Variants in ABL1 observed in about 807,000 individuals in gnomAD.
ABL1 encodes tyrosine-protein kinase ABL1.
Under a neutral mutation model 94.7 loss-of-function variants are expected in ABL1, and 11 were observed. That is an observed-to-expected ratio of 0.12 (90% confidence interval 0.07 to 0.19). The LOEUF (loss-of-function observed/expected upper bound fraction) is 0.19, where lower values mean the gene tolerates loss of function less well. ABL1 is among the 10% of genes least tolerant of loss of function. The pLI, the probability that ABL1 is intolerant of heterozygous loss-of-function variation, is 1.00. For missense variants in ABL1, 1,082 were observed against 1,489.4 expected (o/e 0.73, Z 4.50); for synonymous variants, 656 against 622.4 (o/e 1.05, Z -0.80).
At chr9:130,787,286 G>A (rs1336489031) in intron 1 of ABL1, among the ~76,000 whole-genome samples, 2 of 152,098 alleles carry the variant, frequency 1.3e-5, no homozygotes, top group Admixed American at 6.5e-5. Flanking sequence ...TGGACTTCAG[G>A]ATAGGGCTTT....
At chr9:130,769,894 C>T (rs1832231863) in intron 1 of ABL1, among the ~76,000 whole-genome samples, 1 of 152,094 alleles carries the variant, frequency 6.6e-6, no homozygotes, top group African/African-American at 2.4e-5. Flanking sequence ...TTTTTTGTCC[C>T]TGTAGTTTTG....
intron 3 of ABL1, among the ~76,000 whole-genome samples, chr9:130,861,204 C>G (rs2132969828): frequency 6.6e-6 from 1 of 152,284 alleles, no homozygotes. Context: ...TGAGCAAGTT[C>G]CCCAGAGTGA....
chr9:130,835,876 G>A lies in ABL1; in HGVS notation c.79+351G>A, dbSNP rs2987903. Among the ~76,000 whole-genome samples the A allele has an allele frequency of 0.15, 23,549 of 152,214 alleles. 1,986 individuals are homozygous for A. The highest frequency in any genetic ancestry group is 0.21 in the African/African-American group (8,680 of 41,528). Reference sequence around the variant, plus strand: ...CCGGATGGTGACGGCGGCGTCCGGGGCCCCACAGTGCGGGCTCCCCCGAAA... The same window carrying A: ...CCGGATGGTGACGGCGGCGTCCGGGACCCCACAGTGCGGGCTCCCCCGAAA... On this transcript the variant is annotated intron_variant, in intron 1 of 10. Coordinates refer to ENST00000318560, the MANE Select transcript of ABL1 (RefSeq NM_005157.6). The surrounding 1 kb of genome is among the most constrained non-coding windows in gnomAD (Gnocchi z 4.6).
At chr9:130,760,732 G>A (rs930145115) in intron 1 of ABL1, among the ~76,000 whole-genome samples, 1 of 150,518 alleles carries the variant, frequency 6.6e-6, no homozygotes, top group South Asian at 2.1e-4. Flanking sequence ...GCGCGATCTC[G>A]GCTCACTGCA....
chr9:130,877,786 G>A (rs1414772976), intron 7 of ABL1, among the ~76,000 whole-genome samples: 3 of 143,558 alleles, frequency 2.1e-5, no homozygotes, highest in Admixed American at 6.9e-5. Flanking sequence ...GACTACTGGC[G>A]TACACCACCA....
At chr9:130,782,770 G>A (rs145290017) in intron 1 of ABL1, among the ~76,000 whole-genome samples, 1 of 152,210 alleles carries the variant, frequency 6.6e-6, no homozygotes, top group Non-Finnish European at 1.5e-5. Flanking sequence ...GATTGGCTTC[G>A]TGGGAAGTTG....
chr9:130,818,674 C>T (rs1353147651), intron 1 of ABL1, among the ~76,000 whole-genome samples: 5 of 152,050 alleles, frequency 3.3e-5, no homozygotes, highest in African/African-American at 9.7e-5. Context: ...AGGTATTGCT[C>T]GAGAGTCATC....
intron 1 of ABL1, among the ~76,000 whole-genome samples, chr9:130,798,405 T>G (rs561947726): frequency 2.0e-5 from 3 of 152,320 alleles, no homozygotes; most frequent in Middle Eastern, 3.4e-3. Context: ...GGTTATTAAG[T>G]ATCGCTTGCA....
chr9:130,825,245 G>A (rs142657127), intron 1 of ABL1, among the ~76,000 whole-genome samples: 73 of 152,256 alleles, frequency 4.8e-4, no homozygotes, highest in Middle Eastern at 3.4e-3. Flanking sequence ...ACACTGTGGG[G>A]AGGTTTAGAC....
chr9:130,749,403 C>T (rs910945922), intron 1 of ABL1, among the ~76,000 whole-genome samples: 2 of 152,188 alleles, frequency 1.3e-5, no homozygotes, highest in African/African-American at 4.8e-5. Flanking sequence ...AACCTAAAAA[C>T]GTTAATGGCT....
At chr9:130,726,309 GC>G (rs1355717323) in intron 1 of ABL1, among the ~76,000 whole-genome samples, 1 of 152,080 alleles carries the variant, frequency 6.6e-6, no homozygotes, top group African/African-American at 2.4e-5. Flanking sequence ...AAAGCCTTGT[GC>G]CCCCTTCCAG....
intron 8 of ABL1, 77 bp downstream of exon 8, chr9:130,878,644 A>G (rs576240380): frequency 2.6e-6 from 4 of 1,537,866 alleles, no homozygotes; most frequent in Middle Eastern, 2.3e-4. Context: ...GTGTGTACAC[A>G]AAGTTGAAAG....
intron 1 of ABL1, among the ~76,000 whole-genome samples, chr9:130,729,977 A>C (rs1831640741): frequency 6.7e-6 from 1 of 148,934 alleles, no homozygotes; most frequent in African/African-American, 2.5e-5. Context: ...TCCTGACCTC[A>C]AGTGATCCAC....
intron 1 of ABL1, among the ~76,000 whole-genome samples, chr9:130,780,961 C>G (rs1829747820): frequency 6.6e-6 from 1 of 152,200 alleles, no homozygotes; most frequent in Non-Finnish European, 1.5e-5. Flanking sequence ...AGCGACTCTG[C>G]AAATGGGTGC....
At position 130,880,651 on chromosome 9, in the gene ABL1, C is replaced by G. The variant is rs1831435942; in HGVS notation, c.1665C>G (p.Gly555=). The G allele has an allele frequency of 1.9e-6, 3 of 1,613,570 alleles. No individual in the cohort carries two copies. The highest frequency in any genetic ancestry group is 1.7e-4 in the Middle Eastern group (1 of 6,032). ...TDVPEMPHSK[G]QGESDPLDHE... ...TGCCTGAGATGCCTCACTCCAAGGGCCAGGGAGAGAGCGGTAAGTCCCCCG... is the reference window on the plus strand; with the variant it reads ...TGCCTGAGATGCCTCACTCCAAGGGGCAGGGAGAGAGCGGTAAGTCCCCCG... Residue 555 remains glycine (G), a synonymous_variant, in exon 10 of 11, where the codon GGC becomes GGG. Transcript: ENST00000318560. The surrounding 1 kb of genome is among the most constrained non-coding windows in gnomAD (Gnocchi z 4.4).
In ABL1 at chr9:130,758,317, C is replaced by T. The variant is rs148743061; in HGVS notation, c.136+43862C>T. On this transcript the variant is annotated intron_variant, in intron 1 of 10. Coordinates refer to the ABL1 transcript ENST00000372348. ...CTGGGATTACAGGCGTGTACTACCA[C>T]GTCTGGCTAATTTTTGTATTTCAGT... 4.3e-3 allele frequency among the ~76,000 whole-genome samples: 656 copies of T among 150,872 alleles called. 2 individuals carry two copies. Among genetic ancestry groups the T allele is most frequent in the African/African-American group, 0.015 (597 of 40,968 alleles).
Position 130,873,055 on chromosome 9 carries a change from C to A in ABL1, c.1085+18C>A. 6.2e-7 allele frequency: 1 copy of A among 1,607,556 alleles called. No individual in the cohort carries two copies. Among genetic ancestry groups the A allele is most frequent in the Non-Finnish European group, 8.5e-7 (1 of 1,176,204 alleles). ...ATCCACAGGTAGGGGCCTGGCCAGG[C>A]AGCCTGCGCCATGGAGTCACAGGGC... On this transcript the variant is annotated intron_variant, in intron 6 of 10. Coordinates refer to ENST00000318560, the MANE Select transcript of ABL1 (RefSeq NM_005157.6).
rs34333699 is a variant in ABL1 at position 130,785,928 on chromosome 9, TAA to T, written c.137-68110_137-68109del. On this transcript the variant is annotated intron_variant, in intron 1 of 10. Coordinates refer to the ABL1 transcript ENST00000372348. ...ACATTCTGGAACTCTGTCTCAAAACTAAAAAAAAAAAAAAAAAAAAAAAAAAA... is the reference window on the plus strand; with the variant it reads ...ACATTCTGGAACTCTGTCTCAAAACTAAAAAAAAAAAAAAAAAAAAAAAAA... Among the ~76,000 whole-genome samples, 25 of 56,678 alleles carry T rather than the reference TAA, an allele frequency of 4.4e-4. 1 individual carries two copies. Among genetic ancestry groups the T allele is most frequent in the African/African-American group, 9.0e-4 (15 of 16,706 alleles). The allele number at this position is 56,678 out of a possible 152,430, so 37.2% of individuals were successfully genotyped here.
chr9:130,764,877 A>G (rs1832160779), intron 1 of ABL1, among the ~76,000 whole-genome samples: 1 of 151,728 alleles, frequency 6.6e-6, no homozygotes, highest in Non-Finnish European at 1.5e-5. Flanking sequence ...AATCACTTGA[A>G]CCTGGGAGGT....
Sources: gnomAD v4.1 joint callset for allele counts (sites outside exome capture counted in the v4.1 genomes callset) on GRCh38, gnomAD v4.1.1 for gene constraint, Gnocchi (gnomAD v3.1) non-coding constraint, MANE v1.5 for transcripts, NCBI Gene and HGNC (gene_info 2026-07-23, HGNC 2026-07-21) for gene names.